Variants in SPECC1 observed in about 807,000 individuals in gnomAD.
SPECC1 encodes sperm antigen with calponin homology and coiled-coil domains 1.
In SPECC1, 62 loss-of-function variants were observed where a neutral mutation model predicts 104.1. That is an observed-to-expected ratio of 0.60 (90% CI 0.49 to 0.74). SPECC1 has a LOEUF of 0.74. Ranked by LOEUF, SPECC1 falls within the 30% of genes least tolerant of loss-of-function variation. The pLI, the probability that SPECC1 is intolerant of heterozygous loss-of-function variation, is 0.00. For synonymous variants in SPECC1, 513 were observed against 501.6 expected, an observed-to-expected ratio of 1.02 and a Z score of -0.30; for missense variants, 1,306 against 1,310.5, an observed-to-expected ratio of 1.00 and a Z score of 0.05.
chr17:20,034,889 G>A (rs1597593725), intron 1 of SPECC1, among the ~76,000 whole-genome samples: 1 of 152,176 alleles, frequency 6.6e-6, no homozygotes, highest in East Asian at 1.9e-4. Context: ...ACGAGCGTGA[G>A]CCACCGTGCG....
At chr17:20,264,747 C>T (rs150729896) in intron 12 of SPECC1, among the ~76,000 whole-genome samples, 1 of 152,140 alleles carries the variant, frequency 6.6e-6, no homozygotes, top group Non-Finnish European at 1.5e-5. Flanking sequence ...GCTGGGATTA[C>T]AGGTTCACAC....
intron 5 of SPECC1, among the ~76,000 whole-genome samples, chr17:20,229,370 C>CA (rs1162340075): frequency 6.6e-6 from 1 of 152,070 alleles, no homozygotes; most frequent in African/African-American, 2.4e-5. Flanking sequence ...ATTGAATCAA[C>CA]AAAGCGCATC....
At chr17:20,038,864 C>T (rs9891739) in intron 1 of SPECC1, among the ~76,000 whole-genome samples, 77,092 of 152,076 alleles carry the variant, frequency 0.51, 20,040 homozygotes, top group African/African-American at 0.57. Context: ...CTCCAGTTAC[C>T]TCTTTCTAGT....
At chr17:20,187,076 TAC>T (rs2035332360) in intron 3 of SPECC1, among the ~76,000 whole-genome samples, 1 of 152,186 alleles carries the variant, frequency 6.6e-6, no homozygotes, top group East Asian at 1.9e-4. Context: ...ACTTGCATTA[TAC>T]TTAGCAATTG....
At chr17:20,238,119 G>A in intron 7 of SPECC1, 1 of 1,029,002 alleles carries the variant, frequency 9.7e-7, no homozygotes, top group Non-Finnish European at 1.2e-6. Context: ...GTGCCTCCAA[G>A]CTTTGGGTTG....
chr17:20,219,268 A>G (rs910952189), intron 4 of SPECC1, among the ~76,000 whole-genome samples: 5 of 152,196 alleles, frequency 3.3e-5, no homozygotes, highest in Non-Finnish European at 7.3e-5. Context: ...CTTTCCCGCC[A>G]ACAGTGTACA....
Position 20,312,523 on chromosome 17 carries a change from G to A in SPECC1, c.3118-1453G>A, listed in dbSNP as rs116016163. Among the ~76,000 whole-genome samples the A allele has an allele frequency of 1.6e-3, 251 of 152,258 alleles. 1 individual carries two copies. Among genetic ancestry groups the A allele is most frequent in the African/African-American group, 5.9e-3 (245 of 41,546 alleles). ...AAGTGTGCAGTGTGCCATCTCTCTT[G>A]TGTTTGTAGGTATCCCTTCTTTTCC... On this transcript the variant is annotated intron_variant, in intron 14 of 14. Coordinates refer to ENST00000395527, the MANE Select transcript of SPECC1 (RefSeq NM_001243439.2).
At chr17:20,301,519 T>C (rs936336004) in intron 13 of SPECC1, among the ~76,000 whole-genome samples, 1 of 152,124 alleles carries the variant, frequency 6.6e-6, no homozygotes, top group Admixed American at 6.5e-5. Flanking sequence ...ATAGAGTTGT[T>C]GATAGCCCAG....
chr17:20,146,283 G>A (rs1486350796), intron 3 of SPECC1, among the ~76,000 whole-genome samples: 6 of 152,190 alleles, frequency 3.9e-5, no homozygotes, highest in African/African-American at 1.4e-4. Context: ...TTGTCAGATA[G>A]CTGGAATGAT....
intron 3 of SPECC1, among the ~76,000 whole-genome samples, chr17:20,134,350 C>T (rs1416659405): frequency 6.6e-6 from 1 of 151,678 alleles, no homozygotes; most frequent in Non-Finnish European, 1.5e-5. Context: ...GCCACCTGCA[C>T]CCAACTCCCC....
intron 12 of SPECC1, among the ~76,000 whole-genome samples, chr17:20,293,037 A>G (rs766326575): frequency 1.4e-4 from 21 of 152,162 alleles, no homozygotes; most frequent in Non-Finnish European, 2.9e-5. Context: ...ATAGGGACAG[A>G]TTCTTTGTAT....
At chr17:20,230,353 G>C (rs1334216093) in intron 5 of SPECC1, among the ~76,000 whole-genome samples, 1 of 152,186 alleles carries the variant, frequency 6.6e-6, no homozygotes, top group Non-Finnish European at 1.5e-5. Context: ...ATTTCTCCTT[G>C]AACATGACAT....
intron 3 of SPECC1, among the ~76,000 whole-genome samples, chr17:20,125,658 A>C (rs2049265301): frequency 6.6e-6 from 1 of 152,224 alleles, no homozygotes; most frequent in South Asian, 2.1e-4. Context: ...TTCCCTTAGC[A>C]TAGTATCCTT....
chr17:20,157,578 A>G (rs2032714376), intron 3 of SPECC1, among the ~76,000 whole-genome samples: 1 of 152,212 alleles, frequency 6.6e-6, no homozygotes, highest in South Asian at 2.1e-4. Context: ...ATGCTTGTCC[A>G]GGTATTGTGA....
At chr17:20,125,590 CTGTT>C (rs1375349973) in intron 3 of SPECC1, among the ~76,000 whole-genome samples, 2 of 152,228 alleles carry the variant, frequency 1.3e-5, no homozygotes, top group African/African-American at 2.4e-5. Flanking sequence ...GTGAGTTTGA[CTGTT>C]TGAGATTCTG....
chr17:20,021,695 T>A (rs1178706307), intron 1 of SPECC1, among the ~76,000 whole-genome samples: 1 of 112,292 alleles, frequency 8.9e-6, no homozygotes, highest in African/African-American at 4.7e-5. Context: ...TATATATATA[T>A]ATATATATTT....
At chr17:20,245,728 A>G (rs1210366280) in intron 7 of SPECC1, among the ~76,000 whole-genome samples, 198 bp from the exon 8 acceptor site, 1 of 152,242 alleles carries the variant, frequency 6.6e-6, no homozygotes. Context: ...CCAAGAAAAC[A>G]GCTCTTCTAA....
intron 3 of SPECC1, among the ~76,000 whole-genome samples, chr17:20,190,095 C>G (rs1319744347): frequency 7.2e-6 from 1 of 138,712 alleles, no homozygotes; most frequent in Non-Finnish European, 1.5e-5. Flanking sequence ...GACAGTCCAG[C>G]TGTGGAAAAA....
At chr17:20,053,478 TA>T (rs2045850070) in intron 1 of SPECC1, among the ~76,000 whole-genome samples, 1 of 152,236 alleles carries the variant, frequency 6.6e-6, no homozygotes, top group Non-Finnish European at 1.5e-5. Flanking sequence ...CCTTTCTAAC[TA>T]ATGGAATAAG....
Sources: gnomAD v4.1 joint callset for allele counts (sites outside exome capture counted in the v4.1 genomes callset) on GRCh38, gnomAD v4.1.1 for gene constraint, MANE v1.5 for transcripts, NCBI Gene and HGNC (gene_info 2026-07-23, HGNC 2026-07-21) for gene names.